The following COL9A1 variants were observed in gnomAD, a reference collection of about 807,000 sequenced individuals.
The protein encoded by COL9A1 is collagen alpha-1(IX) chain.
Under a neutral mutation model 142.6 loss-of-function variants are expected in COL9A1, and 104 were observed. The ratio of observed to expected loss-of-function variants is 0.73; its 90% CI spans 0.62 to 0.86. The LOEUF is 0.86. COL9A1 is among the 40% of genes least tolerant of loss of function. The pLI is 0.00. For synonymous variants in COL9A1, 466 were observed against 396.0 expected, an observed-to-expected ratio of 1.18 and a Z score of -2.10; for missense variants, 1,210 against 1,176.6, an observed-to-expected ratio of 1.03 and a Z score of -0.42.
At chr6:70,294,897 T>A (rs1466077202) in intron 4 of COL9A1, among the ~76,000 whole-genome samples, 1 of 152,286 alleles carries the variant, frequency 6.6e-6, no homozygotes, top group East Asian at 1.9e-4. Context: ...AGCCAAAAAA[T>A]ACATTCTTGC....
intron 25 of COL9A1, 51 bp from the exon 26 acceptor site, chr6:70,253,480 A>C: frequency 3.0e-6 from 4 of 1,318,774 alleles, no homozygotes; most frequent in Non-Finnish European, 4.4e-6. Flanking sequence ...CTGAGAATCC[A>C]TGAGATGCCA....
chr6:70,223,251 A>T (rs1768998879), intron 37 of COL9A1, among the ~76,000 whole-genome samples: 1 of 152,222 alleles, frequency 6.6e-6, no homozygotes, highest in Non-Finnish European at 1.5e-5. Context: ...TGGACTTGAT[A>T]TATTAATAAT....
intron 26 of COL9A1, among the ~76,000 whole-genome samples, chr6:70,252,749 C>T (rs1009996165): frequency 1.3e-5 from 2 of 152,098 alleles, no homozygotes; most frequent in East Asian, 1.9e-4. Context: ...GAGAAAGCCC[C>T]GTCAGCAAGC....
Position 70,270,338 on chromosome 6 carries a change from G to C in COL9A1, c.1173C>G (p.Gly391=), listed in dbSNP as rs774717953. 4 of 1,613,690 alleles carry C rather than the reference G, an allele frequency of 2.5e-6. No homozygotes were observed. Among genetic ancestry groups the C allele is most frequent in the Non-Finnish European group, 3.4e-6 (4 of 1,179,836 alleles). Residue 391 remains glycine (G), a synonymous_variant, in exon 15 of 38, where the codon GGC becomes GGG. Transcript: ENST00000357250. The part of the protein sequence containing the change: ...VGDPGRRGPP[G]PPGPPGPRGT... ...CTCTGGGTCCTGGGGGGCCAGGGGGGCCAGGTGGTCCTCTTCTCCCAGGGT... is the reference window on the plus strand; with the variant it reads ...CTCTGGGTCCTGGGGGGCCAGGGGGCCCAGGTGGTCCTCTTCTCCCAGGGT...
At chr6:70,242,061 G>T in intron 29 of COL9A1, 26 bp from the exon 30 acceptor site, 1 of 1,571,232 alleles carries the variant, frequency 6.4e-7, no homozygotes, top group Non-Finnish European at 8.7e-7. Flanking sequence ...AAAGTCCCCG[G>T]AGTTACTGTC....
Position 70,263,324 on chromosome 6 carries a change from G to A in COL9A1, c.1342-27C>T, listed in dbSNP as rs77621199. On this transcript the variant is annotated intron_variant, in intron 18 of 37. Transcript: ENST00000357250. ...TAAAGAAAAAAAAGAAAAAAGAAAAGCACACCAAATGTTATTCTAGCAAAC... is the reference window on the plus strand; with the variant it reads ...TAAAGAAAAAAAAGAAAAAAGAAAAACACACCAAATGTTATTCTAGCAAAC... 6,609 of 1,595,810 alleles carry A rather than the reference G, an allele frequency of 4.1e-3. 223 individuals carry two copies. In the African/African-American group the frequency reaches 0.075, roughly 18 times the overall value.
chr6:70,271,642 C>CAAGTGT lies in COL9A1; in HGVS notation c.1143+12_1143+13insACACTT, dbSNP rs780266079. The CAAGTGT allele has an allele frequency of 1.6e-5, 25 of 1,612,550 alleles. No homozygotes were observed. The highest frequency in any genetic ancestry group is 6.6e-5 in the South Asian group (6 of 91,054). On this transcript the variant is annotated intron_variant, in intron 14 of 37. Coordinates refer to ENST00000357250, the MANE Select transcript of COL9A1 (RefSeq NM_001851.6). ...ATCAGCAAACGTCTATCAAAGTGCA[C>CAAGTGT]TGTGGTACTCACAACAGGTCCTACA...
At chr6:70,220,794 T>C (rs1768834990) in intron 37 of COL9A1, among the ~76,000 whole-genome samples, 1 of 152,224 alleles carries the variant, frequency 6.6e-6, no homozygotes, top group South Asian at 2.1e-4. Flanking sequence ...AACTGCTTTG[T>C]AACTCTTCAG....
Position 70,300,354 on chromosome 6 carries a change from T to C in COL9A1, c.121A>G (p.Asn41Asp). The change falls in exon 3 of 38, where the codon AAT becomes GAT. Residue 41 changes from asparagine (N) to aspartate (D), a missense_variant. Transcript: ENST00000357250. ...FPVNSNSNGG[N>D]ELCPKIRIGQ... ...ATCCTGATCTTTGGACAGAGTTCAT[T>C]TCCACCATTAGAATTGGAATTGACA... The C allele has an allele frequency of 1.2e-6, 2 of 1,613,662 alleles. No homozygotes were observed. The highest frequency in any genetic ancestry group is 1.7e-6 in the Non-Finnish European group (2 of 1,179,770).
chr6:70,294,521 C>T lies in COL9A1; in HGVS notation c.342G>A (p.Leu114=), dbSNP rs887334836. The T allele has an allele frequency of 3.5e-5, 56 of 1,613,934 alleles. No individual in the cohort carries two copies. The highest frequency in any genetic ancestry group is 4.4e-5 in the Non-Finnish European group (52 of 1,179,940). Residue 114 remains leucine, a synonymous_variant, in exon 5 of 38, where the codon TTG becomes TTA. Transcript: ENST00000357250. ...TGCTTCCAGTCATTCGAAACGTCGT[C>T]AAGAAGGAGTATTCTTCAGGCAGTC... ...PSGLPEEYSF[L]TTFRMTGSTL...
intron 37 of COL9A1, among the ~76,000 whole-genome samples, chr6:70,218,515 A>C (rs1479063815): frequency 2.0e-5 from 3 of 152,224 alleles, no homozygotes; most frequent in African/African-American, 7.2e-5. Flanking sequence ...TGTAAAACAA[A>C]TTGTGTATGC....
At position 70,216,434 on chromosome 6, in the gene COL9A1, G is replaced by T. The variant is rs1169128560; in HGVS notation, c.*463C>A. ...AAGCACCAATTCCATTGAATGTAGT[G>T]GGGTTTCTTCATAACTAGTCTAGTA... On this transcript the variant is annotated 3_prime_UTR_variant, in exon 38 of 38. Transcript: ENST00000357250. 2 of 175,658 alleles carry T rather than the reference G, an allele frequency of 1.1e-5. No homozygotes were observed. Among genetic ancestry groups the T allele is most frequent in the Non-Finnish European group, 2.5e-5 (2 of 80,996 alleles). 10.9% of individuals were successfully genotyped at this position (175,658 alleles called of 1,614,324 possible). A position where few individuals can be genotyped will look rare whatever the true frequency, so the allele number is the denominator to read the frequency against.
chr6:70,268,061 T>A (rs182543738), intron 17 of COL9A1, among the ~76,000 whole-genome samples: 11 of 152,346 alleles, frequency 7.2e-5, no homozygotes, highest in Admixed American at 2.6e-4. Flanking sequence ...TTTCAAGTAA[T>A]TACGGTGGCA....
At chr6:70,291,123 G>T (rs1773642392) in intron 5 of COL9A1, among the ~76,000 whole-genome samples, 1 of 152,140 alleles carries the variant, frequency 6.6e-6, no homozygotes, top group East Asian at 1.9e-4. Context: ...AAGAAAATAG[G>T]CCATAAAATT....
At chr6:70,280,701 C>G in intron 10 of COL9A1, 111 bp downstream of exon 10, 1 of 1,410,472 alleles carries the variant, frequency 7.1e-7, no homozygotes. Flanking sequence ...AGAGCCACAG[C>G]GCGTTCTCTC....
rs1017477771 is a variant in COL9A1 at position 70,248,987 on chromosome 6, G to T, written c.1872+3133C>A. ...TTATGGAATGTTGAGCCAGAGAAATGAAGGAAAAAGCCATTTAAATGCAGG... is the reference window on the plus strand; with the variant it reads ...TTATGGAATGTTGAGCCAGAGAAATTAAGGAAAAAGCCATTTAAATGCAGG... On this transcript the variant is annotated intron_variant, in intron 28 of 37. Transcript: ENST00000357250. 4.6e-5 allele frequency among the ~76,000 whole-genome samples: 7 copies of T among 152,078 alleles called. No individual in the cohort carries two copies. The South Asian group carries it at 8.3e-4, about 18-fold the overall frequency.
chr6:70,240,278 T>C (rs922876765), intron 32 of COL9A1, among the ~76,000 whole-genome samples: 6 of 152,192 alleles, frequency 3.9e-5, no homozygotes, highest in Admixed American at 3.3e-4. Context: ...GAGTCACAGC[T>C]TTCTAACTAT....
intron 10 of COL9A1, among the ~76,000 whole-genome samples, chr6:70,277,801 A>T (rs1323470607): frequency 1.3e-5 from 2 of 152,194 alleles, no homozygotes; most frequent in African/African-American, 4.8e-5. Context: ...ATTTTTTAAC[A>T]TTATCAAAAA....
chr6:70,272,091 A>G lies in COL9A1; in HGVS notation c.1066-3T>C, dbSNP rs16868869. The stretch of plus-strand genomic sequence containing the variant: ...GGGGGTCCAGGAATACCACGGCCCT[A>G]AAAGAGTACAATAAAAATGGTTATA... On this transcript the variant is annotated splice_region_variant and splice_polypyrimidine_tract_variant and intron_variant, in intron 12 of 37. Coordinates refer to ENST00000357250, the MANE Select transcript of COL9A1 (RefSeq NM_001851.6). The G allele has an allele frequency of 0.024, 38,098 of 1,610,200 alleles. 859 individuals are homozygous for G. The highest frequency in any genetic ancestry group is 0.096 in the Admixed American group (5,765 of 59,840).
Sources: gnomAD v4.1 joint callset for allele counts (sites outside exome capture counted in the v4.1 genomes callset) on GRCh38, gnomAD v4.1.1 for gene constraint, MANE v1.5 for transcripts, NCBI Gene and HGNC (gene_info 2026-07-23, HGNC 2026-07-21) for gene names.